ECHDC2: variants seen among roughly 807,000 people sequenced by gnomAD.
ECHDC2 encodes enoyl-CoA hydratase domain containing 2, also known as enoyl-CoA hydratase domain-containing protein 2, mitochondrial.
A neutral mutation model predicts 40.6 loss-of-function variants in ECHDC2; 34 were observed. The ratio of observed to expected loss-of-function variants is 0.84; its 90% CI spans 0.64 to 1.11. The LOEUF (loss-of-function observed/expected upper bound fraction) is 1.11, where lower values mean the gene tolerates loss of function less well. Among genes scored for constraint, ECHDC2 ranks in the 50% most tolerant of loss-of-function variants. ECHDC2 has a pLI of 0.00. For missense variants in ECHDC2, 392 were observed against 400.7 expected, an observed-to-expected ratio of 0.98 and a Z score of 0.19; for synonymous variants, 162 against 166.6, an observed-to-expected ratio of 0.97 and a Z score of 0.21.
In ECHDC2 at chr1:52,896,066, T is replaced by G. The variant is rs1646625113; in HGVS notation, c.*454A>C. 1 of 165,300 alleles carries G rather than the reference T, an allele frequency of 6.0e-6. No homozygotes were observed. The highest frequency in any genetic ancestry group is 1.7e-4 in the South Asian group (1 of 6,040). 10.2% of individuals were successfully genotyped at this position (165,300 alleles called of 1,614,324 possible). A position where few individuals can be genotyped will look rare whatever the true frequency, so the allele number is the denominator to read the frequency against. The stretch of plus-strand genomic sequence containing the variant: ...AACTGGCAGAGACTGGGATCTGCAG[T>G]CTGACCCCTGACACATGTTCAACCG... On this transcript the variant is annotated 3_prime_UTR_variant, in exon 10 of 10. Coordinates refer to ENST00000371522, the MANE Select transcript of ECHDC2 (RefSeq NM_001198961.2).
chr1:52,897,447 C>T lies in ECHDC2; in HGVS notation c.791G>A (p.Cys264Tyr). ...IASGMAIEGMCYAQNIPTRDR... is the reference protein window; with the variant it reads ...IASGMAIEGMYYAQNIPTRDR... ...CTGGTTGCTACATACCTGGGCATAG[C>T]ACATCCCTTCAATGGCCATCCCAGA... Residue 264 changes from cysteine to tyrosine, a missense_variant, in exon 9 of 10, where the codon TGC becomes TAC. By Grantham distance (194) the Cys-to-Tyr change is radical (BLOSUM62 -2). Transcript: ENST00000371522. 6.2e-7 allele frequency: 1 copy of T among 1,614,220 alleles called. No individual in the cohort carries two copies. Among genetic ancestry groups the T allele is most frequent in the Non-Finnish European group, 8.5e-7 (1 of 1,180,040 alleles).
intron 1 of ECHDC2, among the ~76,000 whole-genome samples, chr1:52,919,417 C>T (rs1226715737): frequency 6.6e-6 from 1 of 152,140 alleles, no homozygotes; most frequent in Non-Finnish European, 1.5e-5. Flanking sequence ...CCATGCTGTC[C>T]AGGTTTGTAT....
At chr1:52,899,699 A>T (rs1429186381) in intron 7 of ECHDC2, 1 of 165,758 alleles carries the variant, frequency 6.0e-6, no homozygotes, top group African/African-American at 2.4e-5. Context: ...ATTTCAGCAA[A>T]TGCCAGCCTC....
chr1:52,913,906 T>C lies in ECHDC2; in HGVS notation c.122-2116A>G, dbSNP rs1045238819. ...CTCCTTCCTCCTACCTTTCAGGTGA[T>C]GCCTCTGCACTCCTTCACTGCTTCT... On this transcript the variant is annotated intron_variant, in intron 1 of 9. Coordinates refer to ENST00000371522, the MANE Select transcript of ECHDC2 (RefSeq NM_001198961.2). 7 of 1,132,928 alleles carry C rather than the reference T, an allele frequency of 6.2e-6. No homozygotes were observed. In the Admixed American group the frequency reaches 1.2e-4, roughly 20 times the overall value. The allele number at this position is 1,132,928 out of a possible 1,614,324, so 70.2% of individuals were successfully genotyped here. A position where few individuals can be genotyped will look rare whatever the true frequency, so the allele number is the denominator to read the frequency against.
intron 3 of ECHDC2, among the ~76,000 whole-genome samples, chr1:52,908,445 G>T (rs1648514928): frequency 6.6e-6 from 1 of 152,048 alleles, no homozygotes; most frequent in African/African-American, 2.4e-5. Context: ...AGGCTGCAGT[G>T]AGCTGAGATC....
chr1:52,921,704 TC>T lies in ECHDC2; in HGVS notation c.-32del. 1 of 1,514,254 alleles carries T rather than the reference TC, an allele frequency of 6.6e-7. No individual in the cohort carries two copies. The highest frequency in any genetic ancestry group is 8.8e-7 in the Non-Finnish European group (1 of 1,134,938). The allele number at this position is 1,514,254 out of a possible 1,614,324, so 93.8% of individuals were successfully genotyped here. A position where few individuals can be genotyped will look rare whatever the true frequency, so the allele number is the denominator to read the frequency against. On this transcript the variant is annotated 5_prime_UTR_variant, in exon 1 of 10. Transcript: ENST00000371522. ...CGCAGGCTGGGAGTGAAGGTGCTTC[TC>T]CGGCCCTGCACCGTCTCGGCTCCCG...
intron 1 of ECHDC2, 23 bp from the exon 2 acceptor site, chr1:52,911,813 C>G: frequency 1.9e-6 from 3 of 1,613,256 alleles, no homozygotes; most frequent in Middle Eastern, 1.7e-4. Context: ...AGGGCAGCCA[C>G]GGGAAAGCAG....
Position 52,904,771 on chromosome 1 carries a change from C to T in ECHDC2, c.577G>A (p.Gly193Ser), listed in dbSNP as rs1172445977. 2 of 1,613,100 alleles carry T rather than the reference C, an allele frequency of 1.2e-6. No homozygotes were observed. Among genetic ancestry groups the T allele is most frequent in the Admixed American group, 3.3e-5 (2 of 60,018 alleles). Residue 193 changes from glycine to serine, a missense_variant, in exon 7 of 10, where the codon GGC (glycine) becomes AGC (serine). Transcript: ENST00000371522. ...GCCTCAGTTCCACTCAGTCGTCGGC[C>T]CGTGAAGATGAGCTCCTTCGCCAGG... ...VALAKELIFTGRRLSGTEAHV... is the reference protein window; with the variant it reads ...VALAKELIFTSRRLSGTEAHV...
At position 52,899,207 on chromosome 1, in the gene ECHDC2, C is replaced by G. The variant is rs1646831013; in HGVS notation, c.720G>C (p.Arg240=). ...CTCGGTCAATGGCTACTTTGCCCAGCCGCACGGCAATGGGGGCCTAGGGAA... is the reference window on the plus strand; with the variant it reads ...CTCGGTCAATGGCTACTTTGCCCAGGCGCACGGCAATGGGGGCCTAGGGAA... ...EILPQAPIAV[R]LGKVAIDRGT... Residue 240 remains arginine (R), a synonymous_variant, in exon 8 of 10, where the codon CGG becomes CGC. Transcript: ENST00000371522. The G allele has an allele frequency of 6.2e-7, 1 of 1,613,708 alleles. No individual in the cohort carries two copies. Among genetic ancestry groups the G allele is most frequent in the Non-Finnish European group, 8.5e-7 (1 of 1,180,026 alleles).
In ECHDC2 at chr1:52,897,542, G is replaced by T; in HGVS notation, c.754-58C>A. On this transcript the variant is annotated intron_variant, in intron 8 of 9. Coordinates refer to ENST00000371522, the MANE Select transcript of ECHDC2 (RefSeq NM_001198961.2). The stretch of plus-strand genomic sequence containing the variant: ...GACCTTGTCCATCTTCACCCACACT[G>T]GAAGCCAGCCCACCCTATTGCCTAC... The T allele has an allele frequency of 2.5e-6, 4 of 1,569,942 alleles. No homozygotes were observed. In the East Asian group the frequency reaches 6.7e-5, roughly 26 times the overall value.
intron 1 of ECHDC2, chr1:52,913,447 G>A (rs1031282832): frequency 1.3e-5 from 2 of 152,170 alleles, no homozygotes; most frequent in Non-Finnish European, 2.9e-5. Context: ...TCTCATTAAA[G>A]TGATGAATAT....
intron 1 of ECHDC2, among the ~76,000 whole-genome samples, chr1:52,915,652 C>T (rs1339299730): frequency 6.6e-6 from 1 of 152,092 alleles, no homozygotes; most frequent in Non-Finnish European, 1.5e-5. Context: ...GACCCTGACC[C>T]CCACAAACTT....
intron 7 of ECHDC2, chr1:52,899,628 A>T (rs1244295784): frequency 1.1e-5 from 2 of 180,852 alleles, no homozygotes; most frequent in Admixed American, 1.1e-4. Context: ...GGCTGTGTTT[A>T]TCCAATCATT....
Position 52,904,743 on chromosome 1 carries a change from T to C in ECHDC2, c.605A>G (p.His202Arg). The C allele has an allele frequency of 6.2e-7, 1 of 1,613,016 alleles. No homozygotes were observed. The highest frequency in any genetic ancestry group is 8.5e-7 in the Non-Finnish European group (1 of 1,179,998). ...AGCGTGATTCACCAGCCCCAGTACG[T>C]GGGCCTCAGTTCCACTCAGTCGTCG... ...TGRRLSGTEA[H>R]VLGLVNHAVA... Residue 202 changes from histidine (H) to arginine (R), a missense_variant, in exon 7 of 10, where the codon CAC becomes CGC. His to Arg is a conservative substitution (Grantham distance 29). Coordinates refer to ENST00000371522, the MANE Select transcript of ECHDC2 (RefSeq NM_001198961.2).
chr1:52,906,698 G>C, intron 4 of ECHDC2, 87 bp from the exon 5 acceptor site: 1 of 1,028,196 alleles, frequency 9.7e-7, no homozygotes, highest in Non-Finnish European at 1.4e-6. Flanking sequence ...AGCTGGTTGG[G>C]ACAGAGGCCT....
rs550752484 is a variant in ECHDC2, at chr1:52,918,648, ATG to A, written c.121+2903_121+2904del. ...AAAACATTTTTTGTACAGCCGTACA[ATG>A]TGTTTGTGTTTTAAGCTGAGTGTTA... On this transcript the variant is annotated intron_variant, in intron 1 of 9. Coordinates refer to ENST00000371522, the MANE Select transcript of ECHDC2 (RefSeq NM_001198961.2). 1.3e-3 allele frequency among the ~76,000 whole-genome samples: 201 copies of A among 152,370 alleles called. 6 individuals are homozygous for A. In the South Asian group the frequency reaches 0.04, roughly 30 times the overall value.
intron 4 of ECHDC2, 65 bp downstream of exon 4, chr1:52,907,803 G>T: frequency 7.4e-7 from 1 of 1,355,220 alleles, no homozygotes; most frequent in Non-Finnish European, 1.0e-6. Context: ...GCTGGTGGGG[G>T]TAGCGGGACT....
At chr1:52,907,814 G>A (rs990386177) in intron 4 of ECHDC2, 54 bp downstream of exon 4, 2 of 1,480,008 alleles carry the variant, frequency 1.4e-6, no homozygotes, top group African/African-American at 1.4e-5. Context: ...TAGCGGGACT[G>A]TCATCGGCAG....
intron 9 of ECHDC2, 142 bp from the exon 10 acceptor site, chr1:52,896,739 G>C (rs1427425241): frequency 1.5e-6 from 1 of 669,576 alleles, no homozygotes; most frequent in Non-Finnish European, 2.6e-6. Flanking sequence ...GGCATGCAAA[G>C]GTATAAGCCT....
Sources: gnomAD v4.1 joint callset for allele counts (sites outside exome capture counted in the v4.1 genomes callset) on GRCh38, gnomAD v4.1.1 for gene constraint, MANE v1.5 for transcripts, NCBI Gene and HGNC (gene_info 2026-07-23, HGNC 2026-07-21) for gene names.